PCDHGA4: variants seen among roughly 807,000 people sequenced by gnomAD.
PCDHGA4 encodes protocadherin gamma-A4.
Under a neutral mutation model 54.6 loss-of-function variants are expected in PCDHGA4, and 38 were observed. The ratio of observed to expected loss-of-function variants is 0.70; its 90% confidence interval spans 0.54 to 0.91. The LOEUF (loss-of-function observed/expected upper bound fraction) is 0.91. PCDHGA4 is among the 40% of genes least tolerant of loss of function. The pLI is 0.00. For missense variants in PCDHGA4, 1,298 were observed against 1,220.9 expected, an observed-to-expected ratio of 1.06 and a Z score of -0.94; for synonymous variants, 511 against 512.9, an observed-to-expected ratio of 1.00 and a Z score of 0.05.
intron 1 of PCDHGA4, among the ~76,000 whole-genome samples, chr5:141,457,729 T>A (rs950979422): frequency 2.0e-5 from 3 of 152,236 alleles, no homozygotes; most frequent in Non-Finnish European, 4.4e-5. Context: ...GAATTTCAGA[T>A]TAGACTTTTA....
At chr5:141,438,896 CCT>C (rs886177991) in intron 1 of PCDHGA4, among the ~76,000 whole-genome samples, 30 of 151,820 alleles carry the variant, frequency 2.0e-4, no homozygotes, top group Non-Finnish European at 7.4e-5. Context: ...GAACTCCTGA[CCT>C]CAGGTGATCC....
At chr5:141,382,125 GC>G (rs1470370841) in intron 1 of PCDHGA4, among the ~76,000 whole-genome samples, 1 of 151,872 alleles carries the variant, frequency 6.6e-6, no homozygotes, top group East Asian at 1.9e-4. Flanking sequence ...ACAGCACCTG[GC>G]CCCCCCTCTC....
chr5:141,390,043 C>T, intron 1 of PCDHGA4: 2 of 1,614,064 alleles, frequency 1.2e-6, no homozygotes, highest in Non-Finnish European at 8.5e-7. Flanking sequence ...TCCAGCCCCG[C>T]CTCCTGGAGC....
chr5:141,440,931 C>G (rs2098213287), intron 1 of PCDHGA4: 1 of 152,186 alleles, frequency 6.6e-6, no homozygotes, highest in Non-Finnish European at 1.5e-5. Context: ...GTGAGGGCCA[C>G]CAACCAGGAC....
At chr5:141,405,543 C>T (rs1027086926) in intron 1 of PCDHGA4, 27 of 634,834 alleles carry the variant, frequency 4.3e-5, no homozygotes, top group Non-Finnish European at 7.1e-5. Flanking sequence ...CCTCAGCCTC[C>T]CAAGTAGAGT....
At chr5:141,405,795 G>T (rs2094718009) in intron 1 of PCDHGA4, among the ~76,000 whole-genome samples, 1 of 149,108 alleles carries the variant, frequency 6.7e-6, no homozygotes, top group African/African-American at 2.4e-5. Context: ...TTCTATTATA[G>T]TTAGCTTTCT....
At chr5:141,412,591 A>G (rs2095564760) in intron 1 of PCDHGA4, 1 of 152,214 alleles carries the variant, frequency 6.6e-6, no homozygotes, top group Non-Finnish European at 1.5e-5. Flanking sequence ...ATGAATGTAT[A>G]CTAAATAAAA....
Position 141,357,470 on chromosome 5 carries a change from T to C in PCDHGA4, c.2363T>C (p.Val788Ala). The C allele has an allele frequency of 6.2e-7, 1 of 1,614,068 alleles. No homozygotes were observed. The highest frequency in any genetic ancestry group is 1.1e-5 in the South Asian group (1 of 91,078). Residue 788 changes from valine to alanine, a missense_variant, in exon 1 of 4, where the codon GTC (valine) becomes GCC (alanine). Coordinates refer to ENST00000571252, the MANE Select transcript of PCDHGA4 (RefSeq NM_018917.4). ...TTCCTGCAGACCTATTCCCACGAGG[T>C]CTCCCTCACCGCGGACTCGCGGAAG... ...RAFLQTYSHE[V>A]SLTADSRKSH... is the part of the protein sequence containing the mutation.
Position 141,491,910 on chromosome 5 carries a change from G to A in PCDHGA4, c.2515-2897G>A, listed in dbSNP as rs946745903. 1.4e-5 allele frequency: 19 copies of A among 1,406,944 alleles called. No individual in the cohort carries two copies. The South Asian group carries it at 2.6e-4, about 19-fold the overall frequency. 87.2% of individuals were successfully genotyped at this position (1,406,944 alleles called of 1,614,324 possible). On this transcript the variant is annotated intron_variant, in intron 1 of 3. Transcript: ENST00000571252. This position sits in a 1 kb window ranked among gnomAD's most constrained non-coding sequence, Gnocchi z 6.9. ...GGCTCCGAGCACCGGGGGTGGTGGCGACTGTGGGCGAGGGGAGGTGGGACC... is the reference window on the plus strand; with the variant it reads ...GGCTCCGAGCACCGGGGGTGGTGGCAACTGTGGGCGAGGGGAGGTGGGACC...
rs761155361 is a variant in PCDHGA4, at chr5:141,365,110, G to A, written c.2514+7489G>A. 2.5e-6 allele frequency: 4 copies of A among 1,613,868 alleles called. No homozygotes were observed. In the South Asian group the frequency reaches 4.4e-5, roughly 18 times the overall value. On this transcript the variant is annotated intron_variant, in intron 1 of 3. Transcript: ENST00000571252. ...CAGAGAACATACCTGTGGGCACTCG[G>A]CTGCTCATGCTAACCGCCACGGATC...
intron 1 of PCDHGA4, chr5:141,364,424 C>G: frequency 1.9e-6 from 3 of 1,613,572 alleles, no homozygotes; most frequent in Non-Finnish European, 1.7e-6. Flanking sequence ...CGGGCAGATC[C>G]GCTACTCGAT....
intron 1 of PCDHGA4, chr5:141,414,308 T>C: frequency 6.2e-7 from 1 of 1,613,764 alleles, no homozygotes; most frequent in Non-Finnish European, 8.5e-7. Context: ...GTGCATGATT[T>C]AGACTCTGAG....
intron 1 of PCDHGA4, chr5:141,411,163 C>T (rs1001422146): frequency 6.6e-6 from 1 of 152,132 alleles, no homozygotes; most frequent in African/African-American, 2.4e-5. Context: ...TTCTGACTAT[C>T]GAACAGAAGC....
intron 1 of PCDHGA4, 157 bp from the exon 2 acceptor site, chr5:141,494,650 T>G (rs1366776271): frequency 1.0e-6 from 1 of 960,138 alleles, no homozygotes; most frequent in East Asian, 1.1e-4. Context: ...CTGAGGTGTA[T>G]TTTGTCTTTG....
intron 1 of PCDHGA4, among the ~76,000 whole-genome samples, chr5:141,492,593 A>T (rs907659087): frequency 1.3e-5 from 2 of 152,100 alleles, no homozygotes; most frequent in African/African-American, 4.8e-5. Context: ...GGAGCGCTGG[A>T]GCGACTGCCG....
Position 141,477,060 on chromosome 5 carries a change from C to G in PCDHGA4, c.2515-17747C>G. On this transcript the variant is annotated intron_variant, in intron 1 of 3. Coordinates refer to ENST00000571252, the MANE Select transcript of PCDHGA4 (RefSeq NM_018917.4). The surrounding 1 kb of genome is among the most constrained non-coding windows in gnomAD (Gnocchi z 4.9). ...AAGGGTCGGCTGGACTTCGAGGACA[C>G]CAAACTCCATGAGATTTACATCCAG... The G allele has an allele frequency of 1.2e-6, 2 of 1,614,256 alleles. No individual in the cohort carries two copies. The highest frequency in any genetic ancestry group is 2.2e-5 in the South Asian group (2 of 91,086).
intron 1 of PCDHGA4, chr5:141,427,774 G>C: frequency 7.0e-7 from 1 of 1,420,908 alleles, no homozygotes; most frequent in Non-Finnish European, 9.8e-7. Context: ...TTGGAGCTGC[G>C]GGCACTGTCG....
At position 141,355,190 on chromosome 5, in the gene PCDHGA4, G is replaced by A; in HGVS notation, c.83G>A (p.Gly28Asp). Residue 28 changes from glycine to aspartate, a missense_variant, in exon 1 of 4, where the codon GGC (glycine) becomes GAC (aspartate). Transcript: ENST00000571252. ...EGKPKHRRLR[G>D]GVVMAAPPAR... ...AAACCGAAGCACAGGCGACTCCGCGGCGGGGTTGTAATGGCGGCGCCTCCT... is the reference window on the plus strand; with the variant it reads ...AAACCGAAGCACAGGCGACTCCGCGACGGGGTTGTAATGGCGGCGCCTCCT... 2.5e-6 allele frequency: 4 copies of A among 1,591,790 alleles called. No homozygotes were observed. Among genetic ancestry groups the A allele is most frequent in the East Asian group, 2.2e-5 (1 of 44,624 alleles).
At chr5:141,416,657 A>C (rs1194195210) in intron 1 of PCDHGA4, 6 of 152,232 alleles carry the variant, frequency 3.9e-5, no homozygotes, top group Non-Finnish European at 7.3e-5. Context: ...TGTAAAAAAG[A>C]AAAGAATATA....
Sources: gnomAD v4.1 joint callset for allele counts (sites outside exome capture counted in the v4.1 genomes callset) on GRCh38, gnomAD v4.1.1 for gene constraint, Gnocchi (gnomAD v3.1) non-coding constraint, MANE v1.5 for transcripts, NCBI Gene and HGNC (gene_info 2026-07-23, HGNC 2026-07-21) for gene names.